Variants in HPSE2 observed in about 807,000 individuals in gnomAD.
The protein encoded by HPSE2 is heparanase 2 (inactive).
In HPSE2, 38 loss-of-function variants were observed where a neutral mutation model predicts 60.5. The ratio of observed to expected loss-of-function variants is 0.63; its 90% CI spans 0.48 to 0.82. The LOEUF is 0.82. Ranked by LOEUF, HPSE2 falls within the 40% of genes least tolerant of loss-of-function variation. The pLI is 0.00. For missense variants in HPSE2, 713 were observed against 740.4 expected (o/e 0.96, Z 0.43); for synonymous variants, 295 against 293.2 (o/e 1.01, Z -0.06).
chr10:99,129,751 C>T (rs1177434569), intron 3 of HPSE2, among the ~76,000 whole-genome samples: 3 of 149,158 alleles, frequency 2.0e-5, no homozygotes, highest in African/African-American at 4.9e-5. Flanking sequence ...CAAACCAAAC[C>T]CAAACCAAGC....
At chr10:98,516,092 C>T (rs1942592808) in intron 9 of HPSE2, among the ~76,000 whole-genome samples, 2 of 152,192 alleles carry the variant, frequency 1.3e-5, no homozygotes, top group South Asian at 4.1e-4. Flanking sequence ...CTACGAGACC[C>T]TTCAGTGGCA....
chr10:99,006,918 CTAG>C (rs920520490), intron 3 of HPSE2, among the ~76,000 whole-genome samples: 1 of 152,004 alleles, frequency 6.6e-6, no homozygotes, highest in African/African-American at 2.4e-5. Flanking sequence ...TTTACAGGTA[CTAG>C]TATGGAGCCT....
chr10:98,750,479 G>A (rs956726821), intron 3 of HPSE2, among the ~76,000 whole-genome samples: 5 of 152,152 alleles, frequency 3.3e-5, no homozygotes, highest in African/African-American at 1.2e-4. Context: ...GAAGGGGATG[G>A]GAAGAGCAAG....
At chr10:98,952,310 TTGTTTGTGTGTGTGTG>T (rs1253775741) in intron 3 of HPSE2, among the ~76,000 whole-genome samples, 27 of 102,626 alleles carry the variant, frequency 2.6e-4, no homozygotes, top group Non-Finnish European at 3.6e-4. Context: ...TCAAAAGAAT[TTGTTTGTGTGTGTGTG>T]TGTGTGTGTG....
At chr10:98,663,236 T>C (rs1947271848) in intron 6 of HPSE2, among the ~76,000 whole-genome samples, 1 of 152,190 alleles carries the variant, frequency 6.6e-6, no homozygotes, top group African/African-American at 2.4e-5. Context: ...GGCACTGTTC[T>C]AGGTACTTGG....
chr10:98,708,521 G>A (rs1017297006), intron 5 of HPSE2, among the ~76,000 whole-genome samples: 3 of 151,520 alleles, frequency 2.0e-5, no homozygotes, highest in African/African-American at 4.9e-5. Context: ...TTTTTTAACC[G>A]TAGTGGTATA....
At chr10:98,551,659 G>T (rs1231027417) in intron 9 of HPSE2, among the ~76,000 whole-genome samples, 1 of 152,118 alleles carries the variant, frequency 6.6e-6, no homozygotes, top group African/African-American at 2.4e-5. Flanking sequence ...TGGATCCCCA[G>T]AGTTATCCAA....
intron 1 of HPSE2, among the ~76,000 whole-genome samples, chr10:99,233,802 G>A (rs552797519): frequency 3.3e-5 from 5 of 152,266 alleles, no homozygotes; most frequent in Admixed American, 6.5e-5. Flanking sequence ...AGGGCGTCGC[G>A]TGGGCCTACT....
At chr10:99,147,851 C>G (rs984362334) in intron 2 of HPSE2, among the ~76,000 whole-genome samples, 1 of 152,084 alleles carries the variant, frequency 6.6e-6, no homozygotes, top group African/African-American at 2.4e-5. Context: ...ATGACACACT[C>G]AAAATTCAAA....
chr10:98,617,358 T>G (rs1164226461), intron 8 of HPSE2, among the ~76,000 whole-genome samples: 2 of 152,256 alleles, frequency 1.3e-5, no homozygotes, highest in Non-Finnish European at 2.9e-5. Context: ...TCATATCAAA[T>G]GTCTACTTTT....
intron 5 of HPSE2, among the ~76,000 whole-genome samples, chr10:98,705,188 A>G (rs1295279723): frequency 6.6e-6 from 1 of 152,256 alleles, no homozygotes; most frequent in Non-Finnish European, 1.5e-5. Flanking sequence ...AGAAATGCAA[A>G]TCAAAACCAC....
chr10:98,951,058 C>T (rs1955341406), intron 3 of HPSE2, among the ~76,000 whole-genome samples: 1 of 152,060 alleles, frequency 6.6e-6, no homozygotes, highest in Non-Finnish European at 1.5e-5. Flanking sequence ...GGTGGTCAGC[C>T]CCTTTCTCAT....
intron 6 of HPSE2, among the ~76,000 whole-genome samples, chr10:98,660,960 G>A (rs1947206998): frequency 6.6e-6 from 1 of 152,162 alleles, no homozygotes. Context: ...TGTAAAGAGG[G>A]AGTAGGCTGA....
chr10:98,903,480 C>T (rs780598822), intron 3 of HPSE2, among the ~76,000 whole-genome samples: 4 of 152,048 alleles, frequency 2.6e-5, no homozygotes, highest in African/African-American at 9.7e-5. Flanking sequence ...AAAATGTATT[C>T]GGTCTCTCTG....
intron 7 of HPSE2, among the ~76,000 whole-genome samples, chr10:98,622,943 T>C (rs1946112175): frequency 6.6e-6 from 1 of 152,204 alleles, no homozygotes. Context: ...ATTAAAGGAC[T>C]ACATCTATGA....
chr10:98,679,018 T>C (rs1947717118), intron 6 of HPSE2, among the ~76,000 whole-genome samples: 1 of 152,098 alleles, frequency 6.6e-6, no homozygotes. Context: ...AAAATGTTGG[T>C]ATTAGAAAAC....
the HPSE2 span, among the ~76,000 whole-genome samples, chr10:99,301,900 A>G: frequency 1.3e-5 from 2 of 151,602 alleles, no homozygotes; most frequent in African/African-American, 4.8e-5. Flanking sequence ...GTAACTCTTA[A>G]CGTATGTAAA....
chr10:98,921,487 A>G (rs1368576798), intron 3 of HPSE2, among the ~76,000 whole-genome samples: 1 of 152,208 alleles, frequency 6.6e-6, no homozygotes, highest in Non-Finnish European at 1.5e-5. Context: ...AGAGGGCCAA[A>G]AGAGGGATTA....
At chr10:99,049,815 C>G (rs1388888340) in intron 3 of HPSE2, among the ~76,000 whole-genome samples, 1 of 151,860 alleles carries the variant, frequency 6.6e-6, no homozygotes, top group Non-Finnish European at 1.5e-5. Flanking sequence ...AGCTATAGAC[C>G]AGGAGAAAAT....
Sources: allele counts gnomAD v4.1 joint callset (sites outside exome capture counted in the v4.1 genomes callset), GRCh38; gene constraint gnomAD v4.1.1; transcripts MANE v1.5; gene names NCBI Gene and HGNC (gene_info 2026-07-23, HGNC 2026-07-21).